The following SIRT3 variants were observed in gnomAD, a reference collection of about 807,000 sequenced individuals.
The protein encoded by SIRT3 is sirtuin 3, also known as NAD-dependent protein deacetylase sirtuin-3, mitochondrial.
SIRT3 carries 26 observed loss-of-function variants against 33.5 expected under a neutral mutation model. That is an observed-to-expected ratio of 0.78 (90% confidence interval 0.57 to 1.08). The LOEUF (loss-of-function observed/expected upper bound fraction) is 1.08, where lower values mean the gene tolerates loss of function less well. Ranked by LOEUF, SIRT3 falls within the 50% of genes least tolerant of loss-of-function variation. The pLI, the probability that SIRT3 is intolerant of heterozygous loss-of-function variation, is 0.00. For synonymous variants in SIRT3, 237 were observed against 222.1 expected, an observed-to-expected ratio of 1.07 and a Z score of -0.60; for missense variants, 585 against 530.1, an observed-to-expected ratio of 1.10 and a Z score of -1.02.
In SIRT3 at chr11:219,013, G is replaced by T; in HGVS notation, c.998C>A (p.Ala333Asp). 6.2e-7 allele frequency: 1 copy of T among 1,613,840 alleles called. No homozygotes were observed. ...CAGTCGGGGAACTGAGCTCCGCACG[G>T]CCTCGGTCAAGCTGGCAAAAGGCTC... ...EVEPFASLTEAVRSSVPRLLI... is the reference protein window; with the variant it reads ...EVEPFASLTEDVRSSVPRLLI... Residue 333 changes from alanine (A) to aspartate (D), a missense_variant, in exon 6 of 7, where the codon GCC becomes GAC. Physicochemically the swap from Ala to Asp is moderately radical, Grantham distance 126. Transcript: ENST00000382743.
Position 236,057 on chromosome 11 carries a change from A to T in SIRT3, c.272T>A (p.Phe91Tyr). 1 of 1,521,310 alleles carries T rather than the reference A, an allele frequency of 6.6e-7. No individual in the cohort carries two copies. The highest frequency in any genetic ancestry group is 8.8e-7 in the Non-Finnish European group (1 of 1,135,554). 94.2% of individuals were successfully genotyped at this position (1,521,310 alleles called of 1,614,324 possible). ...TCCTTGCCCAAAATACCTCGAAAAG[A>T]AGAAACTGGGAGCTGCTGCCCTCGG... ...RQPRAAAPSF[F>Y]FSSIKGGRRS... Residue 91 changes from phenylalanine (F) to tyrosine (Y), a missense_variant, in exon 1 of 7, where the codon TTC becomes TAC. Physicochemically the swap from Phe to Tyr is conservative, Grantham distance 22. Coordinates refer to ENST00000382743, the MANE Select transcript of SIRT3 (RefSeq NM_012239.6).
chr11:229,233 A>C (rs1857569068), intron 4 of SIRT3, among the ~76,000 whole-genome samples: 1 of 152,146 alleles, frequency 6.6e-6, no homozygotes, highest in Non-Finnish European at 1.5e-5. Flanking sequence ...CAGGCGGATC[A>C]CGAGGTCAAG....
chr11:233,361 C>T lies in SIRT3; in HGVS notation c.455G>A (p.Ser152Asn). Reference sequence around the variant, plus strand: ...GCAGTACCTGAAGTCTGGAATGCCACTGGGTGTGCTGATGCCGGCCCCCAC... The same window carrying T: ...GCAGTACCTGAAGTCTGGAATGCCATTGGGTGTGCTGATGCCGGCCCCCAC... ...VMVGAGISTP[S>N]GIPDFRSPGS... Residue 152 changes from serine (S) to asparagine (N), a missense_variant, in exon 2 of 7, where the codon AGT becomes AAT. Ser to Asn is a conservative substitution (Grantham distance 46). Transcript: ENST00000382743. 1 of 1,613,850 alleles carries T rather than the reference C, an allele frequency of 6.2e-7. No homozygotes were observed. The highest frequency in any genetic ancestry group is 8.5e-7 in the Non-Finnish European group (1 of 1,179,870).
At chr11:221,073 A>T (rs1350683399) in intron 5 of SIRT3, among the ~76,000 whole-genome samples, 2 of 151,900 alleles carry the variant, frequency 1.3e-5, no homozygotes, top group African/African-American at 4.8e-5. Context: ...TATTCACTAC[A>T]GCATTTACCC....
chr11:221,507 CTA>C (rs1157797055), intron 5 of SIRT3, among the ~76,000 whole-genome samples: 1 of 152,210 alleles, frequency 6.6e-6, no homozygotes, highest in Admixed American at 6.5e-5. Flanking sequence ...TCCACAAAAT[CTA>C]TGTTAAAGCT....
chr11:230,721 A>G, intron 3 of SIRT3, 169 bp from the exon 4 acceptor site: 1 of 409,338 alleles, frequency 2.4e-6, no homozygotes, highest in Non-Finnish European at 4.3e-6. Context: ...ATGCGCCATC[A>G]ACCAGAATAA....
chr11:220,127 C>A (rs1468796704), intron 5 of SIRT3, among the ~76,000 whole-genome samples: 5 of 151,872 alleles, frequency 3.3e-5, no homozygotes, highest in Non-Finnish European at 7.4e-5. Flanking sequence ...GTCAGGAGTT[C>A]AAGACCAGCC....
chr11:231,048 C>A (rs1418345902), intron 3 of SIRT3, among the ~76,000 whole-genome samples: 2 of 151,558 alleles, frequency 1.3e-5, no homozygotes, highest in African/African-American at 4.9e-5. Context: ...TCGCTTGAAC[C>A]CGGGAGGTGG....
intron 5 of SIRT3, among the ~76,000 whole-genome samples, chr11:220,647 C>T (rs1856324377): frequency 6.6e-6 from 1 of 152,186 alleles, no homozygotes; most frequent in Non-Finnish European, 1.5e-5. Context: ...TACATAAAAA[C>T]ACAGTTTGTG....
chr11:230,130 T>C (rs1041598600), intron 4 of SIRT3, among the ~76,000 whole-genome samples: 1 of 151,344 alleles, frequency 6.6e-6, no homozygotes, highest in African/African-American at 2.4e-5. Context: ...GAAGAATTCC[T>C]TGAATCCGGG....
chr11:236,923 G>T (rs1859244235), upstream of SIRT3: 8 of 775,072 alleles, frequency 1.0e-5, no homozygotes, highest in South Asian at 1.1e-4. Context: ...CCCGCCCCCG[G>T]CCTGCTACGG....
chr11:230,369 G>A (rs865966498), intron 4 of SIRT3, 83 bp downstream of exon 4: 23 of 723,102 alleles, frequency 3.2e-5, no homozygotes, highest in Middle Eastern at 2.6e-4. Context: ...CTGTCCTTTC[G>A]AGACAATGCT....
rs1338857472 is a variant in SIRT3, at chr11:226,748, A to AT, written c.808-2510dup. On this transcript the variant is annotated intron_variant, in intron 4 of 6. Coordinates refer to ENST00000382743, the MANE Select transcript of SIRT3 (RefSeq NM_012239.6). Reference sequence around the variant, plus strand: ...TTTTTCTTAAGGAAGGCCTACAATTATTATTATTATTTTTTTTTTTTTGAG... The same window carrying AT: ...TTTTTCTTAAGGAAGGCCTACAATTATTTATTATTATTTTTTTTTTTTTGAG... 5.3e-3 allele frequency among the ~76,000 whole-genome samples: 452 copies of AT among 84,654 alleles called. 7 individuals are homozygous for AT. The highest frequency in any genetic ancestry group is 7.7e-3 in the Non-Finnish European group (350 of 45,548). 55.5% of individuals were successfully genotyped at this position (84,654 alleles called of 152,430 possible).
intron 4 of SIRT3, among the ~76,000 whole-genome samples, chr11:225,413 A>G (rs1857041038): frequency 6.6e-6 from 1 of 151,834 alleles, no homozygotes; most frequent in Non-Finnish European, 1.5e-5. Context: ...CTCTGTCTCA[A>G]AAAACAAAAC....
chr11:236,280 G>C lies in SIRT3; in HGVS notation c.49C>G (p.Arg17Gly), dbSNP rs201144583. The change falls in exon 1 of 7, where the codon CGG becomes GGG. Residue 17 changes from arginine (R) to glycine (G), a missense_variant. Arg to Gly is a moderately radical substitution (Grantham distance 125). Transcript: ENST00000382743. ...RAAAALRLWG[R>G]VVERVEAGGG... ...CCGGCCTCGACCCGTTCAACTACCC[G>C]GCCCCACAGCCGGAGGGCTGCCGCG... The C allele has an allele frequency of 3.3e-4, 504 of 1,537,432 alleles. 2 individuals are homozygous for C. In the African/African-American group the frequency reaches 6.1e-3, roughly 19 times the overall value.
chr11:235,957 CA>C (rs1858993030), intron 1 of SIRT3, 90 bp downstream of exon 1: 1 of 1,366,160 alleles, frequency 7.3e-7, no homozygotes, highest in Non-Finnish European at 9.6e-7. Context: ...AACTCCCAGA[CA>C]TGCCGCAAAG....
chr11:234,403 TTTTTGTTTTG>T (rs1554893541), intron 1 of SIRT3, among the ~76,000 whole-genome samples: 7 of 151,316 alleles, frequency 4.6e-5, no homozygotes, highest in Admixed American at 1.3e-4. Flanking sequence ...GTAGCAAGGA[TTTTTGTTTTG>T]TTTTGTTTTG....
At chr11:229,075 T>C (rs1469131233) in intron 4 of SIRT3, among the ~76,000 whole-genome samples, 2 of 152,238 alleles carry the variant, frequency 1.3e-5, no homozygotes, top group African/African-American at 4.8e-5. Context: ...AGTGTTGGGA[T>C]GTGGAAAAGA....
rs1000114269 is a variant in SIRT3, at chr11:224,914, G to A, written c.808-675C>T. On this transcript the variant is annotated intron_variant, in intron 4 of 6. Coordinates refer to ENST00000382743, the MANE Select transcript of SIRT3 (RefSeq NM_012239.6). ...TCTAAGGTAAACCTTTACAGCTAACGGGGCTTGTTTTAAGCAGGCTCAGCC... is the reference window on the plus strand; with the variant it reads ...TCTAAGGTAAACCTTTACAGCTAACAGGGCTTGTTTTAAGCAGGCTCAGCC... Among the ~76,000 whole-genome samples the A allele has an allele frequency of 2.0e-5, 3 of 146,874 alleles. No homozygotes were observed. In the East Asian group the frequency reaches 5.8e-4, roughly 28 times the overall value.
Sources: allele counts gnomAD v4.1 joint callset (sites outside exome capture counted in the v4.1 genomes callset), GRCh38; gene constraint gnomAD v4.1.1; transcripts MANE v1.5; gene names NCBI Gene and HGNC (gene_info 2026-07-23, HGNC 2026-07-21).